TSPAN11: variants seen among roughly 807,000 people sequenced by gnomAD.
TSPAN11 encodes tetraspanin-11.
TSPAN11 carries 29 observed loss-of-function variants against 32.9 expected under a neutral mutation model. The observed-to-expected ratio is 0.88, with a 90% CI of 0.66 to 1.20. TSPAN11 has a LOEUF of 1.20. TSPAN11 is among the 50% of genes most tolerant of loss of function. TSPAN11 has a pLI of 0.00. For synonymous variants in TSPAN11, 140 were observed against 141.3 expected, an observed-to-expected ratio of 0.99 and a Z score of 0.07; for missense variants, 283 against 329.1, an observed-to-expected ratio of 0.86 and a Z score of 1.08.
Position 30,994,003 on chromosome 12 carries a change from G to A in TSPAN11, c.*2088G>A, listed in dbSNP as rs1939368214. The A allele has an allele frequency of 6.6e-6, 1 of 152,310 alleles. No individual in the cohort carries two copies. The highest frequency in any genetic ancestry group is 2.4e-5 in the African/African-American group (1 of 41,468). 9.4% of individuals were successfully genotyped at this position (152,310 alleles called of 1,614,324 possible). A position where few individuals can be genotyped will look rare whatever the true frequency, so the allele number is the denominator to read the frequency against. On this transcript the variant is annotated 3_prime_UTR_variant, in exon 8 of 8. Coordinates refer to ENST00000546076, the MANE Select transcript of TSPAN11 (RefSeq NM_001370302.1). The stretch of plus-strand genomic sequence containing the variant: ...TGGGATGGTTGGTCCAGCCTGACTG[G>A]GGCAGGATTAGCTGCAATTCCTGCC...
intron 7 of TSPAN11, 92 bp downstream of exon 7, chr12:30,983,242 A>C (rs1592495074): frequency 9.2e-6 from 12 of 1,305,724 alleles, no homozygotes; most frequent in Non-Finnish European, 1.3e-5. Context: ...GGGCTGAAAT[A>C]ACTGACCCTT....
chr12:30,982,190 T>A (rs1236709191), intron 5 of TSPAN11, among the ~76,000 whole-genome samples: 1 of 152,144 alleles, frequency 6.6e-6, no homozygotes, highest in African/African-American at 2.4e-5. Flanking sequence ...CACCCTGGGC[T>A]CTGCCACCCA....
At chr12:30,947,163 C>CATTA (rs1258485525) in intron 1 of TSPAN11, among the ~76,000 whole-genome samples, 1 of 152,182 alleles carries the variant, frequency 6.6e-6, no homozygotes, top group Admixed American at 6.5e-5. Flanking sequence ...CTACTGCAGC[C>CATTA]ATTACCATGC....
chr12:30,958,198 G>T (rs1442794676), intron 2 of TSPAN11, among the ~76,000 whole-genome samples: 1 of 152,104 alleles, frequency 6.6e-6, no homozygotes, highest in Non-Finnish European at 1.5e-5. Flanking sequence ...TTGTTATAGG[G>T]GTAGATGGGA....
rs562529563 is a variant in TSPAN11, at chr12:30,977,719, C to T, written c.277-842C>T. 7.2e-5 allele frequency among the ~76,000 whole-genome samples: 11 copies of T among 151,976 alleles called. No individual in the cohort carries two copies. In the South Asian group the frequency reaches 1.0e-3, roughly 14 times the overall value. On this transcript the variant is annotated intron_variant, in intron 3 of 7. Transcript: ENST00000546076. Reference sequence around the variant, plus strand: ...TTGGTCGAGCAGGGTCTCAGGAGCCCTCCTGACTGTGCAAGCCAGGTGGGA... The same window carrying T: ...TTGGTCGAGCAGGGTCTCAGGAGCCTTCCTGACTGTGCAAGCCAGGTGGGA...
intron 1 of TSPAN11, among the ~76,000 whole-genome samples, chr12:30,928,131 T>G (rs949668548): frequency 1.3e-5 from 2 of 152,152 alleles, no homozygotes; most frequent in Admixed American, 1.3e-4. Flanking sequence ...GTGTAAAATA[T>G]GTACAGGCCT....
chr12:30,957,002 A>G (rs1163001338), intron 2 of TSPAN11, among the ~76,000 whole-genome samples: 1 of 152,216 alleles, frequency 6.6e-6, no homozygotes, highest in Admixed American at 6.5e-5. Context: ...GAGAAGATGG[A>G]GGACTTGAAC....
At chr12:30,934,594 C>T (rs949771021) in intron 1 of TSPAN11, among the ~76,000 whole-genome samples, 9 of 151,888 alleles carry the variant, frequency 5.9e-5, no homozygotes, top group Admixed American at 2.0e-4. Flanking sequence ...GCTTTGAATG[C>T]GGCCCAACAC....
intron 3 of TSPAN11, among the ~76,000 whole-genome samples, chr12:30,966,771 G>T (rs1938742418): frequency 1.3e-5 from 2 of 152,204 alleles, no homozygotes; most frequent in African/African-American, 4.8e-5. Context: ...AACAAGGGAG[G>T]GTCCCCTCCA....
rs908519209 is a variant in TSPAN11, at chr12:30,982,558, A to G, written c.483A>G (p.Ser161=). ...QDFKCCGSNS[S]ADWQHSTYIL... Reference sequence around the variant, plus strand: ...TCAAGTGCTGTGGAAGCAACAGCTCAGCCGACTGGCAGCACAGCACGTACA... The same window carrying G: ...TCAAGTGCTGTGGAAGCAACAGCTCGGCCGACTGGCAGCACAGCACGTACA... The change falls in exon 6 of 8, where the codon TCA becomes TCG. Residue 161 remains serine, a synonymous_variant. Coordinates refer to ENST00000546076, the MANE Select transcript of TSPAN11 (RefSeq NM_001370302.1). The G allele has an allele frequency of 1.1e-5, 17 of 1,611,566 alleles. No homozygotes were observed. The Admixed American group carries it at 2.5e-4, about 24-fold the overall frequency.
At chr12:30,952,206 A>G (rs1208241951) in intron 1 of TSPAN11, among the ~76,000 whole-genome samples, 1 of 152,084 alleles carries the variant, frequency 6.6e-6, no homozygotes, top group African/African-American at 2.4e-5. Flanking sequence ...CCTGCCTGGG[A>G]GGGGAGGGAG....
chr12:30,958,415 A>C (rs1592475948), intron 2 of TSPAN11, among the ~76,000 whole-genome samples: 1 of 152,168 alleles, frequency 6.6e-6, no homozygotes, highest in Non-Finnish European at 1.5e-5. Flanking sequence ...AAGGTCATTC[A>C]TGAGGAGGGT....
At chr12:30,965,854 G>A (rs1478050756) in intron 3 of TSPAN11, among the ~76,000 whole-genome samples, 1 of 152,138 alleles carries the variant, frequency 6.6e-6, no homozygotes, top group Non-Finnish European at 1.5e-5. Flanking sequence ...GGCCACAAGA[G>A]GGGGCACAGG....
the TSPAN11 span, among the ~76,000 whole-genome samples, chr12:31,004,538 C>T: frequency 6.6e-6 from 1 of 152,144 alleles, no homozygotes; most frequent in Non-Finnish European, 1.5e-5. Flanking sequence ...ATCAGGGGCG[C>T]CACTTCCACT....
chr12:30,964,120 AGGCTGTGGGAG>A, intron 3 of TSPAN11, 103 bp downstream of exon 3: 3 of 932,234 alleles, frequency 3.2e-6, no homozygotes, highest in Non-Finnish European at 4.4e-6. Context: ...GGAGGGGCTG[AGGCTGTGGGAG>A]TGCCCGAGAA....
intron 1 of TSPAN11, among the ~76,000 whole-genome samples, chr12:30,933,667 CAGTGGTTGCAGCTCT>C (rs1283326576): frequency 4.1e-4 from 63 of 152,256 alleles, no homozygotes; most frequent in African/African-American, 1.3e-3. Context: ...GTCAAGCAAA[CAGTGGTTGCAGCTCT>C]AGTGGCTGCA....
At chr12:30,973,015 CCT>C (rs932094084) in intron 3 of TSPAN11, among the ~76,000 whole-genome samples, 4 of 152,064 alleles carry the variant, frequency 2.6e-5, no homozygotes, top group Non-Finnish European at 4.4e-5. Context: ...CACTGACACC[CCT>C]GTGTTCACCT....
rs1939360636 is a variant in TSPAN11 at position 30,993,622 on chromosome 12, A to G, written c.*1707A>G. 6.6e-6 allele frequency: 1 copy of G among 152,264 alleles called. No homozygotes were observed. Among genetic ancestry groups the G allele is most frequent in the African/African-American group, 2.4e-5 (1 of 41,458 alleles). 9.4% of individuals were successfully genotyped at this position (152,264 alleles called of 1,614,324 possible). A position where few individuals can be genotyped will look rare whatever the true frequency, so the allele number is the denominator to read the frequency against. On this transcript the variant is annotated 3_prime_UTR_variant, in exon 8 of 8. Coordinates refer to ENST00000546076, the MANE Select transcript of TSPAN11 (RefSeq NM_001370302.1). ...ACGAAGACCAGATATCCCAGACTGCACAGAGGCCGAGAGAAATGGTATAGT... is the reference window on the plus strand; with the variant it reads ...ACGAAGACCAGATATCCCAGACTGCGCAGAGGCCGAGAGAAATGGTATAGT...
intron 3 of TSPAN11, 90 bp from the exon 4 acceptor site, chr12:30,978,471 G>T: frequency 7.7e-7 from 1 of 1,293,794 alleles, no homozygotes; most frequent in Non-Finnish European, 1.1e-6. Context: ...GTCCCAGCAG[G>T]TATCTCTACC....
Sources: gnomAD v4.1 joint callset for allele counts (sites outside exome capture counted in the v4.1 genomes callset) on GRCh38, gnomAD v4.1.1 for gene constraint, MANE v1.5 for transcripts, NCBI Gene and HGNC (gene_info 2026-07-23, HGNC 2026-07-21) for gene names.